Variants in PEX14 observed in about 807,000 individuals in gnomAD.
PEX14 encodes the protein peroxisomal membrane protein PEX14.
PEX14 carries 15 observed loss-of-function variants against 49.5 expected under a neutral mutation model. The observed-to-expected ratio is 0.30, with a 90% confidence interval of 0.20 to 0.47. The LOEUF is 0.47. PEX14 is among the 20% of genes least tolerant of loss of function. The pLI is 1.00. For synonymous variants in PEX14, 210 were observed against 212.7 expected (o/e 0.99, Z 0.11); for missense variants, 398 against 494.8 (o/e 0.80, Z 1.86).
chr1:10,520,593 G>A (rs973592749), intron 2 of PEX14, among the ~76,000 whole-genome samples: 5 of 152,182 alleles, frequency 3.3e-5, no homozygotes, highest in African/African-American at 1.2e-4. Flanking sequence ...GCATGTTGGA[G>A]CAGAAAGAAA....
At chr1:10,530,986 G>C (rs953847300) in intron 2 of PEX14, among the ~76,000 whole-genome samples, 3 of 152,104 alleles carry the variant, frequency 2.0e-5, no homozygotes, top group African/African-American at 7.2e-5. Context: ...TGTGGCTTGT[G>C]GTTGCCGCTG....
intron 2 of PEX14, among the ~76,000 whole-genome samples, chr1:10,498,280 TAAAAC>T (rs70997243): frequency 0.52 from 78,301 of 149,836 alleles, 20,532 homozygotes; most frequent in Middle Eastern, 0.57. Flanking sequence ...GCCCTGTCTC[TAAAAC>T]AAAACAAAAC....
At chr1:10,497,646 G>A (rs1051320031) in intron 2 of PEX14, among the ~76,000 whole-genome samples, 4 of 152,184 alleles carry the variant, frequency 2.6e-5, no homozygotes, top group Admixed American at 2.0e-4. Context: ...CTGGTTGGGC[G>A]TAGAAGAGAG....
intron 2 of PEX14, among the ~76,000 whole-genome samples, chr1:10,535,266 AC>A (rs776019525): frequency 6.6e-6 from 1 of 152,178 alleles, no homozygotes; most frequent in Non-Finnish European, 1.5e-5. Flanking sequence ...GCGTAAACAC[AC>A]ACTTCGCGTG....
intron 3 of PEX14, among the ~76,000 whole-genome samples, chr1:10,588,056 C>T (rs533222697): frequency 6.6e-6 from 1 of 151,810 alleles, no homozygotes; most frequent in East Asian, 1.9e-4. Flanking sequence ...AACCCCATCT[C>T]TACTAAAAAT....
At position 10,514,069 on chromosome 1, in the gene PEX14, G is replaced by A. The variant is rs1226164747; in HGVS notation, c.84+18748G>A. On this transcript the variant is annotated intron_variant, in intron 2 of 8. Coordinates refer to ENST00000356607, the MANE Select transcript of PEX14 (RefSeq NM_004565.3). This position sits in a 1 kb window ranked among gnomAD's most constrained non-coding sequence, Gnocchi z 4.4. ...ATATAAATTGTAACAGTTAAAGAAT[G>A]GTAATGAGTAGCCAAAAAAGAAAAA... Among the ~76,000 whole-genome samples the A allele has an allele frequency of 6.6e-6, 1 of 151,360 alleles. No individual in the cohort carries two copies. Among genetic ancestry groups the A allele is most frequent in the Non-Finnish European group, 1.5e-5 (1 of 67,904 alleles).
chr1:10,616,666 G>A (rs146988279), intron 4 of PEX14, among the ~76,000 whole-genome samples: 9 of 152,326 alleles, frequency 5.9e-5, no homozygotes, highest in Admixed American at 3.3e-4. Context: ...AAAGGTGTTC[G>A]CAGTGGAGAC....
chr1:10,619,184 T>C (rs1641521473), intron 5 of PEX14, among the ~76,000 whole-genome samples: 1 of 152,076 alleles, frequency 6.6e-6, no homozygotes, highest in African/African-American at 2.4e-5. Context: ...AAGGCCCAAC[T>C]TGGACGTGAA....
At chr1:10,554,303 CAAAAAAAA>C (rs61712771) in intron 3 of PEX14, among the ~76,000 whole-genome samples, 1 of 121,866 alleles carries the variant, frequency 8.2e-6, no homozygotes, top group Non-Finnish European at 1.7e-5. Context: ...GACTCCGTCT[CAAAAAAAA>C]AAAAAAAAGA....
rs1449730841 is a variant in PEX14 at position 10,608,668 on chromosome 1, A to G, written c.298+9302A>G. The stretch of plus-strand genomic sequence containing the variant: ...CAACAGCGAGACTCCGTCTCAAAAA[A>G]AAAAAGAAAAAAAAAAAATCAACTG... On this transcript the variant is annotated intron_variant, in intron 4 of 8. Coordinates refer to ENST00000356607, the MANE Select transcript of PEX14 (RefSeq NM_004565.3). Among the ~76,000 whole-genome samples, 6 of 35,568 alleles carry G rather than the reference A, an allele frequency of 1.7e-4. No homozygotes were observed. The South Asian group carries it at 3.4e-3, about 20-fold the overall frequency. 23.3% of individuals were successfully genotyped at this position (35,568 alleles called of 152,430 possible).
At chr1:10,521,545 A>G (rs963988089) in intron 2 of PEX14, among the ~76,000 whole-genome samples, 9 of 152,134 alleles carry the variant, frequency 5.9e-5, no homozygotes, top group Non-Finnish European at 1.2e-4. Flanking sequence ...TCCTTATACC[A>G]CTTTGTGAGT....
intron 8 of PEX14, among the ~76,000 whole-genome samples, chr1:10,627,786 C>T (rs1268296859): frequency 6.6e-6 from 1 of 152,216 alleles, no homozygotes; most frequent in Admixed American, 6.5e-5. Flanking sequence ...CAACTGAAGA[C>T]GTGGGCAGAA....
At position 10,523,268 on chromosome 1, in the gene PEX14, G is replaced by C. The variant is rs375127660; in HGVS notation, c.85-12945G>C. On this transcript the variant is annotated intron_variant, in intron 2 of 8. Transcript: ENST00000356607. ...GTATATAAAATAAATAGTAAGTAGC[G>C]TGAGTAAAGCTTCGCAGCGTATAAA... Among the ~76,000 whole-genome samples the C allele has an allele frequency of 3.3e-5, 5 of 152,138 alleles. No homozygotes were observed. The East Asian group carries it at 7.7e-4, about 23-fold the overall frequency.
In PEX14 at chr1:10,629,402, CCCTTGCCCAGTG is replaced by C. The variant is rs1641842642; in HGVS notation, c.678-128_678-117del. ...GAGGGGTGGAAGGGCTCCATCCTGT[CCCTTGCCCAGTG>C]TCCCTGGGGGAGCAGCTCACCATCG... On this transcript the variant is annotated intron_variant, in intron 8 of 8. Coordinates refer to ENST00000356607, the MANE Select transcript of PEX14 (RefSeq NM_004565.3). The surrounding 1 kb of genome is among the most constrained non-coding windows in gnomAD (Gnocchi z 8.5). The C allele has an allele frequency of 1.4e-6, 1 of 724,650 alleles. No individual in the cohort carries two copies. The highest frequency in any genetic ancestry group is 1.7e-5 in the African/African-American group (1 of 58,314). The allele number at this position is 724,650 out of a possible 1,614,324, so 44.9% of individuals were successfully genotyped here.
chr1:10,600,541 AC>A (rs1461031228), intron 4 of PEX14, among the ~76,000 whole-genome samples: 1 of 151,744 alleles, frequency 6.6e-6, no homozygotes, highest in Admixed American at 6.6e-5. Flanking sequence ...ACGTGGTGAA[AC>A]CGTGTCTCTA....
chr1:10,501,131 G>A (rs1002720616), intron 2 of PEX14, among the ~76,000 whole-genome samples: 3 of 152,070 alleles, frequency 2.0e-5, no homozygotes, highest in African/African-American at 4.8e-5. Context: ...AGTATTAAAC[G>A]TAATTATTTA....
intron 3 of PEX14, among the ~76,000 whole-genome samples, chr1:10,541,062 G>A (rs1355605380): frequency 6.6e-6 from 1 of 152,190 alleles, no homozygotes; most frequent in Non-Finnish European, 1.5e-5. Context: ...ACGACCAGAG[G>A]AAACAAATGC....
At chr1:10,545,214 T>C (rs1639133545) in intron 3 of PEX14, among the ~76,000 whole-genome samples, 1 of 152,236 alleles carries the variant, frequency 6.6e-6, no homozygotes, top group African/African-American at 2.4e-5. Context: ...CTGAATACTA[T>C]TCCATTATAT....
At position 10,479,542 on chromosome 1, in the gene PEX14, C is replaced by G. The variant is rs2124367518; in HGVS notation, c.36+4540C>G. Among the ~76,000 whole-genome samples, 2 of 152,350 alleles carry G rather than the reference C, an allele frequency of 1.3e-5. 1 individual carries two copies. Among genetic ancestry groups the G allele is most frequent in the South Asian group, 4.1e-4 (2 of 4,824 alleles). ...CTCTATTTCCCAACTTTCCTACTAG[C>G]TTTTCTTCCTTCGCTGAACAGCAGA... On this transcript the variant is annotated intron_variant, in intron 1 of 8. Coordinates refer to ENST00000356607, the MANE Select transcript of PEX14 (RefSeq NM_004565.3).
Sources: allele counts gnomAD v4.1 joint callset (sites outside exome capture counted in the v4.1 genomes callset), GRCh38; gene constraint gnomAD v4.1.1; non-coding constraint Gnocchi (gnomAD v3.1); transcripts MANE v1.5; gene names NCBI Gene and HGNC (gene_info 2026-07-23, HGNC 2026-07-21).